DTWD2: variants seen among roughly 807,000 people sequenced by gnomAD.
DTWD2 encodes the protein tRNA-uridine aminocarboxypropyltransferase 2.
DTWD2 carries 39 observed loss-of-function variants against 31.8 expected under a neutral mutation model. The ratio of observed to expected loss-of-function variants is 1.22; its 90% confidence interval spans 0.95 to 1.60. The LOEUF is 1.60. Ranked by LOEUF, DTWD2 falls within the 40% of genes most tolerant of loss-of-function variation. The probability of loss-of-function intolerance (pLI) is 0.00; values close to 1 mark genes in which losing one functional copy is unlikely to be tolerated. For synonymous variants in DTWD2, 180 were observed against 142.8 expected (o/e 1.26, Z -1.86); for missense variants, 515 against 381.5 (o/e 1.35, Z -2.92).
At chr5:118,848,719 C>T (rs968363484) in intron 4 of DTWD2, among the ~76,000 whole-genome samples, 88 of 152,212 alleles carry the variant, frequency 5.8e-4, no homozygotes, top group African/African-American at 2.0e-3. Flanking sequence ...AGAAATAATG[C>T]CACACATCTA....
At chr5:118,885,794 AT>A (rs1420409445) in intron 4 of DTWD2, among the ~76,000 whole-genome samples, 4 of 151,294 alleles carry the variant, frequency 2.6e-5, no homozygotes, top group Non-Finnish European at 4.4e-5. Context: ...ATAATAAAAA[AT>A]AAATATAAAA....
At chr5:118,982,936 G>A (rs1486514134) in intron 1 of DTWD2, among the ~76,000 whole-genome samples, 2 of 151,980 alleles carry the variant, frequency 1.3e-5, no homozygotes, top group African/African-American at 2.4e-5. Flanking sequence ...TGATCCATCC[G>A]CCTCAGCCTC....
intron 4 of DTWD2, among the ~76,000 whole-genome samples, chr5:118,852,517 T>C (rs1752033956): frequency 6.6e-6 from 1 of 152,016 alleles, no homozygotes; most frequent in African/African-American, 2.4e-5. Flanking sequence ...CACAATGAGA[T>C]ACCACCTCAC....
intron 4 of DTWD2, among the ~76,000 whole-genome samples, chr5:118,908,607 T>G (rs1046182274): frequency 6.6e-6 from 1 of 151,382 alleles, no homozygotes; most frequent in African/African-American, 2.4e-5. Context: ...ATAAACCAAC[T>G]TCTAGGGAAA....
In DTWD2 at chr5:118,988,294, C is replaced by G. The variant is rs1041639734; in HGVS notation, c.218G>C (p.Ser73Thr). The change falls in exon 1 of 6, where the codon AGC becomes ACC. Residue 73 changes from serine (S) to threonine (T), a missense_variant and splice_region_variant. Ser to Thr is a moderately conservative substitution (Grantham distance 58). Coordinates refer to ENST00000510708, the MANE Select transcript of DTWD2 (RefSeq NM_173666.4). Reference sequence around the variant, plus strand: ...TCCCCGCCCCCAGCCCCGCGGTCACCTGCAGCGGGTGCACTCAGGCCTCCG... The same window carrying G: ...TCCCCGCCCCCAGCCCCGCGGTCACGTGCAGCGGGTGCACTCAGGCCTCCG... Reference protein sequence around the residue: ...AERRPECTRCSRPQKVCLCPF... With the variant: ...AERRPECTRCTRPQKVCLCPF... 2.0e-6 allele frequency: 3 copies of G among 1,523,004 alleles called. No homozygotes were observed. The African/African-American group carries it at 4.2e-5, about 21-fold the overall frequency. The allele number at this position is 1,523,004 out of a possible 1,614,324, so 94.3% of individuals were successfully genotyped here.
intron 3 of DTWD2, among the ~76,000 whole-genome samples, chr5:118,936,102 A>G (rs770167669): frequency 1.3e-5 from 2 of 152,222 alleles, no homozygotes; most frequent in Non-Finnish European, 2.9e-5. Flanking sequence ...ACTTCCCCAA[A>G]TATCTGGAAA....
At chr5:118,865,340 G>A (rs544973321) in intron 4 of DTWD2, among the ~76,000 whole-genome samples, 17 of 152,014 alleles carry the variant, frequency 1.1e-4, no homozygotes, top group African/African-American at 3.9e-4. Context: ...GCTGACTCAA[G>A]AAACACTGCT....
chr5:118,929,175 T>C (rs1753870940), intron 3 of DTWD2, among the ~76,000 whole-genome samples: 1 of 152,244 alleles, frequency 6.6e-6, no homozygotes, highest in Non-Finnish European at 1.5e-5. Flanking sequence ...GAAGTTCGGT[T>C]GCATAGGCAA....
chr5:118,918,101 G>A (rs1753619450), intron 4 of DTWD2, among the ~76,000 whole-genome samples: 1 of 152,080 alleles, frequency 6.6e-6, no homozygotes, highest in Non-Finnish European at 1.5e-5. Context: ...TGAGATTTTG[G>A]GTGGGGACAC....
intron 4 of DTWD2, among the ~76,000 whole-genome samples, chr5:118,875,529 T>C (rs369556002): frequency 1.1e-3 from 19 of 17,282 alleles, no homozygotes; most frequent in African/African-American, 5.3e-3. Flanking sequence ...AAATAAAAAA[T>C]AGAAAAAAGG....
intron 1 of DTWD2, among the ~76,000 whole-genome samples, chr5:118,958,067 C>T (rs1754627243): frequency 6.6e-6 from 1 of 152,056 alleles, no homozygotes; most frequent in Non-Finnish European, 1.5e-5. Flanking sequence ...ATAATTATAT[C>T]ACTGGCCTAG....
intron 5 of DTWD2, among the ~76,000 whole-genome samples, chr5:118,847,803 T>C (rs1037654575): frequency 6.6e-6 from 1 of 151,814 alleles, no homozygotes; most frequent in Non-Finnish European, 1.5e-5. Flanking sequence ...AAAAGAAAAA[T>C]CTAGCCAAAA....
chr5:118,981,283 C>T (rs1281116011), intron 1 of DTWD2, among the ~76,000 whole-genome samples: 1 of 152,006 alleles, frequency 6.6e-6, no homozygotes, highest in African/African-American at 2.4e-5. Flanking sequence ...GTGGTGATGG[C>T]TACACACATT....
chr5:118,918,720 G>A (rs1039065678), intron 4 of DTWD2, among the ~76,000 whole-genome samples: 1 of 151,872 alleles, frequency 6.6e-6, no homozygotes, highest in African/African-American at 2.4e-5. Flanking sequence ...AGGCTTAGTG[G>A]CTCACAACTG....
chr5:118,944,054 C>T (rs1754270226), intron 2 of DTWD2, among the ~76,000 whole-genome samples: 1 of 152,164 alleles, frequency 6.6e-6, no homozygotes, highest in Non-Finnish European at 1.5e-5. Context: ...ATTTTACCTG[C>T]ACAAGAAAGT....
chr5:118,942,209 A>C (rs1754223038), intron 2 of DTWD2, among the ~76,000 whole-genome samples: 1 of 152,134 alleles, frequency 6.6e-6, no homozygotes, highest in Non-Finnish European at 1.5e-5. Flanking sequence ...GAAAACTGGA[A>C]AATTCCTTTG....
At chr5:118,975,256 C>T (rs1039204749) in intron 1 of DTWD2, among the ~76,000 whole-genome samples, 3 of 152,084 alleles carry the variant, frequency 2.0e-5, no homozygotes, top group Admixed American at 6.5e-5. Flanking sequence ...CTTGTCTTCA[C>T]GCTTTATTTC....
At chr5:118,971,972 G>A (rs976678410) in intron 1 of DTWD2, among the ~76,000 whole-genome samples, 2 of 152,190 alleles carry the variant, frequency 1.3e-5, no homozygotes, top group Admixed American at 6.5e-5. Flanking sequence ...CTGCAAAACA[G>A]TGTTTAGAGG....
At chr5:118,982,450 T>A (rs1435361814) in intron 1 of DTWD2, among the ~76,000 whole-genome samples, 1 of 152,170 alleles carries the variant, frequency 6.6e-6, no homozygotes, top group Non-Finnish European at 1.5e-5. Context: ...GGACATACAA[T>A]TAGCCTGCAC....
Sources: gnomAD v4.1 joint callset for allele counts (sites outside exome capture counted in the v4.1 genomes callset) on GRCh38, gnomAD v4.1.1 for gene constraint, MANE v1.5 for transcripts, NCBI Gene and HGNC (gene_info 2026-07-23, HGNC 2026-07-21) for gene names.